SLC8A3: variants seen among roughly 807,000 people sequenced by gnomAD.
The protein encoded by SLC8A3 is solute carrier family 8 member A3.
SLC8A3 carries 37 observed loss-of-function variants against 65.4 expected under a neutral mutation model. The ratio of observed to expected loss-of-function variants is 0.57; its 90% confidence interval spans 0.44 to 0.74. The LOEUF (loss-of-function observed/expected upper bound fraction) is 0.74, where lower values mean the gene tolerates loss of function less well. Ranked by LOEUF, SLC8A3 falls within the 30% of genes least tolerant of loss-of-function variation. The pLI is 0.00. For missense variants in SLC8A3, 1,112 were observed against 1,172.1 expected (o/e 0.95, Z 0.75); for synonymous variants, 461 against 444.5 (o/e 1.04, Z -0.47).
intron 2 of SLC8A3, among the ~76,000 whole-genome samples, chr14:70,162,081 A>G (rs1896928934): frequency 6.6e-6 from 1 of 152,236 alleles, no homozygotes; most frequent in South Asian, 2.1e-4. Context: ...GAAACAAGAG[A>G]TTAAAACTAG....
At chr14:70,101,986 C>T (rs918067543) in intron 2 of SLC8A3, among the ~76,000 whole-genome samples, 3 of 152,138 alleles carry the variant, frequency 2.0e-5, no homozygotes, top group African/African-American at 7.2e-5. Context: ...GTTTAGCTTC[C>T]TAAACATCAA....
At chr14:70,186,061 C>A (rs8005206) in intron 1 of SLC8A3, among the ~76,000 whole-genome samples, 36,338 of 152,054 alleles carry the variant, frequency 0.24, 4,788 homozygotes, top group East Asian at 0.56. Context: ...ATAATCCCTA[C>A]GTGTCCTGGG....
At chr14:70,084,965 G>A (rs1891322763) in intron 2 of SLC8A3, among the ~76,000 whole-genome samples, 1 of 152,168 alleles carries the variant, frequency 6.6e-6, no homozygotes, top group Non-Finnish European at 1.5e-5. Flanking sequence ...AGTAGGGGAA[G>A]GATGGAAAAA....
At chr14:70,085,910 A>G (rs147653472) in intron 2 of SLC8A3, among the ~76,000 whole-genome samples, 157 of 152,346 alleles carry the variant, frequency 1.0e-3, no homozygotes, top group African/African-American at 3.6e-3. Flanking sequence ...ATAAAAACTG[A>G]GGCACAAGAA....
chr14:70,048,344 C>T (rs1887034002), intron 6 of SLC8A3: 1 of 425,578 alleles, frequency 2.3e-6, no homozygotes, highest in South Asian at 3.8e-5. Context: ...AGAAGGAGAA[C>T]AATATCTACA....
intron 2 of SLC8A3, among the ~76,000 whole-genome samples, chr14:70,160,806 G>A (rs1205861996): frequency 6.6e-6 from 1 of 150,974 alleles, no homozygotes; most frequent in Non-Finnish European, 1.5e-5. Context: ...GTGTTTTATG[G>A]ATCCTGGAGT....
At chr14:70,116,515 AG>A (rs1230273615) in intron 2 of SLC8A3, among the ~76,000 whole-genome samples, 1 of 152,206 alleles carries the variant, frequency 6.6e-6, no homozygotes, top group East Asian at 1.9e-4. Flanking sequence ...CTGTCAAAGC[AG>A]GCCCAGGCCT....
chr14:70,080,342 T>C, intron 2 of SLC8A3: 1 of 550,582 alleles, frequency 1.8e-6, no homozygotes, highest in Non-Finnish European at 2.3e-6. Flanking sequence ...GCCTTGGCTG[T>C]GGACTGTTCC....
At chr14:70,175,762 T>C (rs1897869641) in intron 1 of SLC8A3, among the ~76,000 whole-genome samples, 1 of 149,206 alleles carries the variant, frequency 6.7e-6, no homozygotes, top group Non-Finnish European at 1.5e-5. Context: ...TGAGAGGCAG[T>C]TTCACTCTGT....
rs546880777 is a variant in SLC8A3 at position 70,048,904 on chromosome 14, C to G, written c.2252G>C (p.Cys751Ser). 5.0e-6 allele frequency: 8 copies of G among 1,614,182 alleles called. No individual in the cohort carries two copies. The Middle Eastern group carries it at 1.2e-3, about 233-fold the overall frequency. Reference sequence around the variant, plus strand: ...AATGATGAGGATGGAGACGGCGAAGCAGGCCCAGCCGTGGCAGTACTCTGT... The same window carrying G: ...AATGATGAGGATGGAGACGGCGAAGGAGGCCCAGCCGTGGCAGTACTCTGT... ...PPTEYCHGWA[C>S]FAVSILIIGM... is the part of the protein sequence containing the mutation. Residue 751 changes from cysteine (C) to serine (S), a missense_variant, in exon 6 of 7, where the codon TGC (cysteine) becomes TCC (serine). Physicochemically the swap from Cys to Ser is moderately radical, Grantham distance 112. Transcript: ENST00000356921.
At chr14:70,097,619 T>C (rs1303209929) in intron 2 of SLC8A3, among the ~76,000 whole-genome samples, 8 of 152,206 alleles carry the variant, frequency 5.3e-5, no homozygotes. Flanking sequence ...TTAACACATA[T>C]AGAATGCTTA....
chr14:70,173,062 T>C (rs535573019), intron 1 of SLC8A3, among the ~76,000 whole-genome samples: 17 of 152,276 alleles, frequency 1.1e-4, no homozygotes, highest in Non-Finnish European at 1.8e-4. Context: ...TAGGGAAGAC[T>C]TCACTCATGG....
chr14:70,151,106 TGGCCA>T (rs141902890), intron 2 of SLC8A3, among the ~76,000 whole-genome samples: 2,067 of 152,022 alleles, frequency 0.014, 45 homozygotes, highest in African/African-American at 0.046. Flanking sequence ...TACAAAAAAT[TGGCCA>T]GGCATGGTGG....
intron 2 of SLC8A3, among the ~76,000 whole-genome samples, chr14:70,158,598 C>T (rs1896712393): frequency 6.6e-6 from 1 of 152,172 alleles, no homozygotes; most frequent in African/African-American, 2.4e-5. Context: ...ATGAACCCTA[C>T]CCACCAAAAG....
At chr14:70,073,852 G>A (rs764691612) in intron 2 of SLC8A3, among the ~76,000 whole-genome samples, 4 of 152,136 alleles carry the variant, frequency 2.6e-5, no homozygotes, top group Non-Finnish European at 4.4e-5. Flanking sequence ...CAGTCAAAAC[G>A]CCCTGCCTTC....
At chr14:70,118,663 T>A (rs373258376) in intron 2 of SLC8A3, among the ~76,000 whole-genome samples, 1 of 152,214 alleles carries the variant, frequency 6.6e-6, no homozygotes, top group Non-Finnish European at 1.5e-5. Context: ...TTCTTAACCA[T>A]CTGTCCAACA....
intron 2 of SLC8A3, among the ~76,000 whole-genome samples, chr14:70,104,966 G>C (rs1892760326): frequency 6.6e-6 from 1 of 152,186 alleles, no homozygotes; most frequent in African/African-American, 2.4e-5. Flanking sequence ...ATTGGAATCA[G>C]TATAATGTAG....
chr14:70,168,157 A>T lies in SLC8A3; in HGVS notation c.266T>A (p.Leu89His). 6.2e-7 allele frequency: 1 copy of T among 1,614,170 alleles called. No individual in the cohort carries two copies. Among genetic ancestry groups the T allele is most frequent in the Non-Finnish European group, 8.5e-7 (1 of 1,180,026 alleles). The change falls in exon 2 of 7, where the codon CTT becomes CAT. Residue 89 changes from leucine to histidine, a missense_variant. By Grantham distance (99) the Leu-to-His change is moderately conservative. Transcript: ENST00000356921. ...VYFVALIYMF[L>H]GVSIIADRFM... ...GCGGTCAGCAATGATGGACACCCCA[A>T]GGAACATGTATATCAGGGCCACAAA...
intron 2 of SLC8A3, among the ~76,000 whole-genome samples, chr14:70,097,064 G>A (rs2877613): frequency 0.19 from 28,750 of 152,002 alleles, 2,870 homozygotes; most frequent in Non-Finnish European, 0.22. Flanking sequence ...TGGGCTGGCC[G>A]CTAGAGAGGC....
Sources: gnomAD v4.1 joint callset for allele counts (sites outside exome capture counted in the v4.1 genomes callset) on GRCh38, gnomAD v4.1.1 for gene constraint, MANE v1.5 for transcripts, NCBI Gene and HGNC (gene_info 2026-07-23, HGNC 2026-07-21) for gene names.